The following CT45A1 variants were observed in gnomAD, a reference collection of about 807,000 sequenced individuals.
The protein encoded by CT45A1 is cancer/testis antigen family 45 member A1, also known as cancer/testis antigen 45-1.
upstream of CT45A1, among the ~76,000 whole-genome samples, chrX:135,711,816 C>A (rs1359625646): frequency 9.0e-6 from 1 of 111,621 alleles, no homozygotes; most frequent in African/African-American, 3.3e-5. Context: ...CGTGGTGGCT[C>A]ACACCTGTAA....
chrX:135,717,769 A>G (rs1179160237), intron 1 of CT45A1, among the ~76,000 whole-genome samples: 1 of 111,439 alleles, frequency 9.0e-6, no homozygotes, highest in African/African-American at 3.3e-5. Context: ...CAGAAATGCC[A>G]TTGGTTTTCA....
chrX:135,713,957 G>A (rs782423529), intron 1 of CT45A1, among the ~76,000 whole-genome samples: 1 of 105,351 alleles, frequency 9.5e-6, no homozygotes, highest in South Asian at 4.9e-4. Context: ...TCTCGGTGAT[G>A]CTAGGGACTT....
At chrX:135,708,619 G>A in the CT45A1 span, among the ~76,000 whole-genome samples, 2 of 110,615 alleles carry the variant, frequency 1.8e-5, no homozygotes, top group African/African-American at 6.6e-5. Flanking sequence ...AATGTGTCAC[G>A]GTACTGCACA....
upstream of CT45A1, among the ~76,000 whole-genome samples, chrX:135,711,474 G>A (rs1410054575): frequency 1.9e-4 from 21 of 110,288 alleles, no homozygotes; most frequent in African/African-American, 5.6e-4. Flanking sequence ...TCCCTTTGTC[G>A]CCCAGGCTGG....
At chrX:135,718,587 T>C (rs2088012512) in intron 1 of CT45A1, among the ~76,000 whole-genome samples, 1 of 110,650 alleles carries the variant, frequency 9.0e-6, no homozygotes, top group African/African-American at 3.3e-5. Flanking sequence ...TACAGATTGG[T>C]TTATACAGCT....
chrX:135,714,850 TG>T (rs1261642897), intron 1 of CT45A1, among the ~76,000 whole-genome samples: 4 of 108,438 alleles, frequency 3.7e-5, no homozygotes, highest in East Asian at 2.9e-4. Context: ...TTTTTTTTTT[TG>T]AGCACCATTT....
At chrX:135,709,107 A>G (rs1447216075), upstream of CT45A1, among the ~76,000 whole-genome samples, 4 of 112,176 alleles carry the variant, frequency 3.6e-5, no homozygotes, top group Non-Finnish European at 5.6e-5. Flanking sequence ...GTTGCCAGGG[A>G]TGTCACGGTT....
At chrX:135,708,540 T>G in the CT45A1 span, among the ~76,000 whole-genome samples, 1 of 110,922 alleles carries the variant, frequency 9.0e-6, no homozygotes, top group Admixed American at 9.6e-5. Context: ...CGTGGGTGCC[T>G]GTGTCAGCCG....
upstream of CT45A1, among the ~76,000 whole-genome samples, chrX:135,709,063 A>G (rs1293690420): frequency 1.5e-4 from 17 of 111,926 alleles, no homozygotes; most frequent in African/African-American, 5.2e-4. Flanking sequence ...CTGAAAGTAA[A>G]CAAAACATTC....
At chrX:135,718,281 C>A (rs782474835) in intron 1 of CT45A1, among the ~76,000 whole-genome samples, 11 of 111,073 alleles carry the variant, frequency 9.9e-5, no homozygotes, top group Non-Finnish European at 1.7e-4. Flanking sequence ...TTTTTAAGTA[C>A]TATTGCATTT....
At chrX:135,713,036 T>A (rs1433322400), upstream of CT45A1, among the ~76,000 whole-genome samples, 2 of 92,475 alleles carry the variant, frequency 2.2e-5, no homozygotes, top group Non-Finnish European at 4.3e-5. Context: ...TTTCTTTCTT[T>A]CTTCTTTCCT....
upstream of CT45A1, among the ~76,000 whole-genome samples, chrX:135,710,934 A>T (rs782015859): frequency 2.3e-4 from 26 of 111,992 alleles, no homozygotes; most frequent in African/African-American, 8.4e-4. Context: ...AATGAGTGGG[A>T]CACAGCCTAT....
rs376655144 is a variant in CT45A1, at chrX:135,714,288, C to A, written c.-7+598C>A. Reference sequence around the variant, plus strand: ...AGGATGTGTTGGCTTTTCTTTGGTTCTGCTTATCCGCGATGTGGACGCTTA... The same window carrying A: ...AGGATGTGTTGGCTTTTCTTTGGTTATGCTTATCCGCGATGTGGACGCTTA... On this transcript the variant is annotated intron_variant, in intron 1 of 4. Transcript: ENST00000594565. 2.7e-5 allele frequency among the ~76,000 whole-genome samples: 3 copies of A among 109,141 alleles called. No individual in the cohort carries two copies. In the East Asian group the frequency reaches 8.6e-4, roughly 31 times the overall value. The allele number at this position is 109,141 out of a possible 115,157, so 94.8% of individuals were successfully genotyped here.
intron 2 of CT45A1, among the ~76,000 whole-genome samples, chrX:135,719,498 G>C (rs1438839597): frequency 1.1e-5 from 1 of 90,827 alleles, no homozygotes; most frequent in Non-Finnish European, 2.2e-5. Flanking sequence ...ATTTTTGTAA[G>C]TTTAGTAGAG....
At chrX:135,710,979 C>T (rs1421678149), upstream of CT45A1, among the ~76,000 whole-genome samples, 4 of 112,114 alleles carry the variant, frequency 3.6e-5, no homozygotes, top group African/African-American at 1.3e-4. Flanking sequence ...GATATGCCTC[C>T]TCCAAGAAGG....
At chrX:135,715,440 A>G (rs1452854156) in intron 1 of CT45A1, among the ~76,000 whole-genome samples, 2 of 80,686 alleles carry the variant, frequency 2.5e-5, no homozygotes, top group Non-Finnish European at 4.5e-5. Context: ...ATACTTATAT[A>G]TAATACTTAT....
intron 1 of CT45A1, among the ~76,000 whole-genome samples, chrX:135,717,730 A>G (rs2087999638): frequency 9.0e-6 from 1 of 111,601 alleles, no homozygotes; most frequent in Non-Finnish European, 1.9e-5. Context: ...GAAATCTCAT[A>G]TTCTAATTAT....
chrX:135,710,677 A>G (rs2087929311), upstream of CT45A1, among the ~76,000 whole-genome samples: 1 of 112,433 alleles, frequency 8.9e-6, no homozygotes, highest in Non-Finnish European at 1.9e-5. Flanking sequence ...TGTTGAGCCC[A>G]TAAGATTGTG....
intron 1 of CT45A1, among the ~76,000 whole-genome samples, chrX:135,715,234 TTATATATATAATACTTA>T (rs1241422109): frequency 0.034 from 2,357 of 70,217 alleles, 186 homozygotes; most frequent in African/African-American, 0.11. Context: ...TATATAATAC[TTATATATATAATACTTA>T]TATATATATA....
Sources: allele counts gnomAD v4.1 joint callset (sites outside exome capture counted in the v4.1 genomes callset), GRCh38; gene constraint gnomAD v4.1.1; transcripts MANE v1.5; gene names NCBI Gene and HGNC (gene_info 2026-07-23, HGNC 2026-07-21).